The following CELF2 variants were observed in gnomAD, a reference collection of about 807,000 sequenced individuals.
CELF2 encodes the protein CUGBP Elav-like family member 2.
A neutral mutation model predicts 62.6 loss-of-function variants in CELF2; 8 were observed. That is an observed-to-expected ratio of 0.13 (90% CI 0.07 to 0.23). The LOEUF is 0.23. CELF2 is among the 10% of genes least tolerant of loss of function. The pLI is 1.00. For missense variants in CELF2, 333 were observed against 671.0 expected, an observed-to-expected ratio of 0.50 and a Z score of 5.56; for synonymous variants, 258 against 250.0, an observed-to-expected ratio of 1.03 and a Z score of -0.30.
intron 2 of CELF2, among the ~76,000 whole-genome samples, chr10:11,185,902 G>C (rs1013960116): frequency 6.6e-6 from 1 of 152,184 alleles, no homozygotes; most frequent in Non-Finnish European, 1.5e-5. Flanking sequence ...GGAAAATTGT[G>C]TATAAAGTTG....
At chr10:11,193,245 A>C (rs1339914685) in intron 2 of CELF2, among the ~76,000 whole-genome samples, 1 of 152,126 alleles carries the variant, frequency 6.6e-6, no homozygotes, top group Non-Finnish European at 1.5e-5. Context: ...CAGGGCTGTC[A>C]TTGCTTCCTG....
intron 2 of CELF2, among the ~76,000 whole-genome samples, chr10:11,197,044 A>AG (rs1456837771): frequency 1.7e-5 from 1 of 57,238 alleles, no homozygotes; most frequent in African/African-American, 1.1e-4. Context: ...AAAGAAAGAA[A>AG]GAAAGAAAGA....
In CELF2 at chr10:10,960,325, A is replaced by T. The variant is rs1000239751; in HGVS notation, c.89+40326A>T. The T allele has an allele frequency of 5.9e-5, 9 of 152,362 alleles. No individual in the cohort carries two copies. The South Asian group carries it at 1.9e-3, about 32-fold the overall frequency. The allele number at this position is 152,362 out of a possible 1,614,324, so 9.4% of individuals were successfully genotyped here. On this transcript the variant is annotated intron_variant, in intron 2 of 13. Transcript: ENST00000636488. ...GCATTCTTCTTCAGGAATTGAACTG[A>T]ATGTGCTGCCATCCTAGGCAAAAAC...
intron 3 of CELF2, among the ~76,000 whole-genome samples, chr10:11,222,107 C>T (rs553901951): frequency 1.3e-5 from 2 of 151,646 alleles, no homozygotes; most frequent in South Asian, 2.1e-4. Flanking sequence ...TCACTCTGCT[C>T]GCCATGGAGT....
intron 1 of CELF2, among the ~76,000 whole-genome samples, chr10:10,856,279 A>G (rs2059701053): frequency 6.6e-6 from 1 of 152,188 alleles, no homozygotes; most frequent in Non-Finnish European, 1.5e-5. Flanking sequence ...AAAACAATAT[A>G]ATGCAAATGT....
intron 8 of CELF2, among the ~76,000 whole-genome samples, chr10:11,284,212 A>T: frequency 1.9e-5 from 1 of 53,880 alleles, no homozygotes; most frequent in Non-Finnish European, 3.3e-5. Context: ...GTGAGGGATG[A>T]GTGTGTGGTG....
intron 12 of CELF2, among the ~76,000 whole-genome samples, chr10:11,327,311 G>T (rs1012210103): frequency 6.6e-5 from 10 of 152,112 alleles, no homozygotes; most frequent in Admixed American, 2.6e-4. Context: ...TTCTAGATTT[G>T]GAAGGGAATT....
At chr10:11,205,791 C>G in intron 2 of CELF2, among the ~76,000 whole-genome samples, 1 of 152,208 alleles carries the variant, frequency 6.6e-6, no homozygotes, top group East Asian at 1.9e-4. Flanking sequence ...GATCTCCGTA[C>G]ACATGAAATG....
chr10:10,908,214 ATTTTTTTTTT>A (rs796857171), intron 1 of CELF2, among the ~76,000 whole-genome samples: 9 of 83,734 alleles, frequency 1.1e-4, no homozygotes, highest in East Asian at 8.1e-4. Context: ...GTATGAGGGG[ATTTTTTTTTT>A]TTTTTTTTTT....
chr10:11,196,785 G>A (rs1017238231), intron 2 of CELF2, among the ~76,000 whole-genome samples: 2 of 151,570 alleles, frequency 1.3e-5, no homozygotes, highest in African/African-American at 2.4e-5. Flanking sequence ...GTGAAACCCC[G>A]TCTCTACAAA....
chr10:11,319,799 TC>T lies in CELF2; in HGVS notation c.1097-1388del, dbSNP rs924089196. 1 of 470,942 alleles carries T rather than the reference TC, an allele frequency of 2.1e-6. No individual in the cohort carries two copies. Among genetic ancestry groups the T allele is most frequent in the Non-Finnish European group, 4.4e-6 (1 of 227,056 alleles). The allele number at this position is 470,942 out of a possible 1,614,324, so 29.2% of individuals were successfully genotyped here. On this transcript the variant is annotated intron_variant, in intron 10 of 12. Coordinates refer to ENST00000633077, the MANE Select transcript of CELF2 (RefSeq NM_001326342.2). The surrounding 1 kb of genome is among the most constrained non-coding windows in gnomAD (Gnocchi z 4.4). ...TAGCCTAATTCATATCTTACATGTG[TC>T]CTTTTAATTGAAGAGGCGAAGTTGG...
At chr10:11,236,903 T>G in intron 3 of CELF2, among the ~76,000 whole-genome samples, 1 of 151,812 alleles carries the variant, frequency 6.6e-6, no homozygotes, top group East Asian at 1.9e-4. Flanking sequence ...GAAGAGAGAG[T>G]GATGGAATAA....
chr10:11,333,783 G>GTTGT lies in CELF2; in HGVS notation c.*4734_*4737dup, dbSNP rs2096071324. On this transcript the variant is annotated 3_prime_UTR_variant, in exon 13 of 13. Transcript: ENST00000633077. ...TGTTTTATTGATGCATTTGGATTTT[G>GTTGT]TTGTTTGATGGAATTTGAGCCAAAA... 2 of 152,130 alleles carry GTTGT rather than the reference G, an allele frequency of 1.3e-5. No individual in the cohort carries two copies. The highest frequency in any genetic ancestry group is 1.9e-4 in the East Asian group (1 of 5,170). 9.4% of individuals were successfully genotyped at this position (152,130 alleles called of 1,614,324 possible).
At chr10:10,553,446 C>T in the CELF2 span, among the ~76,000 whole-genome samples, 2 of 152,188 alleles carry the variant, frequency 1.3e-5, no homozygotes, top group Non-Finnish European at 2.9e-5. Flanking sequence ...CTAATCACCT[C>T]TCAAAGGCCC....
the CELF2 span, among the ~76,000 whole-genome samples, chr10:10,504,448 C>T: frequency 6.6e-6 from 1 of 152,026 alleles, no homozygotes; most frequent in Non-Finnish European, 1.5e-5. Context: ...ATTGTTTTTG[C>T]TATAGGTAAG....
the CELF2 span, among the ~76,000 whole-genome samples, chr10:10,619,955 A>T: frequency 6.6e-6 from 1 of 152,192 alleles, no homozygotes; most frequent in East Asian, 1.9e-4. Context: ...CCTAAGAGGT[A>T]AAATGGCTTC....
chr10:11,279,871 C>T (rs368822045), intron 8 of CELF2, among the ~76,000 whole-genome samples: 72 of 152,274 alleles, frequency 4.7e-4, no homozygotes, highest in African/African-American at 1.7e-3. Context: ...TCTCAACTTT[C>T]TTTGCCATCT....
the CELF2 span, among the ~76,000 whole-genome samples, chr10:10,513,231 G>A: frequency 6.6e-6 from 1 of 152,026 alleles, no homozygotes; most frequent in African/African-American, 2.4e-5. Context: ...TGAACATGCT[G>A]TGACATACTG....
At chr10:11,065,050 C>G (rs1005114280) in intron 1 of CELF2, among the ~76,000 whole-genome samples, 1 of 152,160 alleles carries the variant, frequency 6.6e-6, no homozygotes, top group African/African-American at 2.4e-5. Flanking sequence ...AAGTGAAGTT[C>G]CCTGCTATCA....
Sources: allele counts gnomAD v4.1 joint callset (sites outside exome capture counted in the v4.1 genomes callset), GRCh38; gene constraint gnomAD v4.1.1; non-coding constraint Gnocchi (gnomAD v3.1); transcripts MANE v1.5; gene names NCBI Gene and HGNC (gene_info 2026-07-23, HGNC 2026-07-21).